Variants in FUT8 observed in about 807,000 individuals in gnomAD.
The protein encoded by FUT8 is fucosyltransferase 8, also known as alpha-(1,6)-fucosyltransferase.
In FUT8, 29 loss-of-function variants were observed where a neutral mutation model predicts 71.3. The observed-to-expected ratio is 0.41, with a 90% confidence interval of 0.30 to 0.55. The LOEUF (loss-of-function observed/expected upper bound fraction) is 0.55. Ranked by LOEUF, FUT8 falls within the 20% of genes least tolerant of loss-of-function variation. FUT8 has a pLI of 0.34. For missense variants in FUT8, 544 were observed against 702.1 expected, an observed-to-expected ratio of 0.77 and a Z score of 2.55; for synonymous variants, 254 against 239.3, an observed-to-expected ratio of 1.06 and a Z score of -0.57.
At chr14:65,718,798 G>C (rs992519927) in intron 7 of FUT8, among the ~76,000 whole-genome samples, 1 of 151,952 alleles carries the variant, frequency 6.6e-6, no homozygotes, top group African/African-American at 2.4e-5. Flanking sequence ...CTCTCTTTTG[G>C]CCTGTAATGT....
intron 7 of FUT8, among the ~76,000 whole-genome samples, chr14:65,691,032 G>A (rs1326213724): frequency 6.6e-6 from 1 of 150,646 alleles, no homozygotes; most frequent in Non-Finnish European, 1.5e-5. Context: ...AGCCACATTT[G>A]ACTTTTGTAT....
chr14:65,442,757 GC>G lies in FUT8; in HGVS notation c.-325-12861del, dbSNP rs536929938. Among the ~76,000 whole-genome samples the G allele has an allele frequency of 5.4e-3, 815 of 150,796 alleles. 7 individuals are homozygous for G. The highest frequency in any genetic ancestry group is 9.4e-3 in the Non-Finnish European group (638 of 67,620). ...ACGCTGAGATGAGAGGATTGCTTGA[GC>G]CCAGGAGGCAGAGTTTGCAGTGAGC... On this transcript the variant is annotated intron_variant, in intron 1 of 10. Coordinates refer to ENST00000673929, the MANE Select transcript of FUT8 (RefSeq NM_001371533.1).
intron 3 of FUT8, among the ~76,000 whole-genome samples, chr14:65,602,671 C>T (rs889919722): frequency 2.0e-5 from 3 of 151,748 alleles, no homozygotes; most frequent in South Asian, 2.1e-4. Flanking sequence ...ACCACATCCA[C>T]GCCAACATCT....
chr14:65,417,786 A>G lies in FUT8; in HGVS notation c.-326+4572A>G, dbSNP rs140194531. ...CCTTTGCTATTCTGCCTTTTCTTCT[A>G]TAGTGATTGTATAGTTATACTATAA... On this transcript the variant is annotated intron_variant, in intron 1 of 10. Coordinates refer to ENST00000673929, the MANE Select transcript of FUT8 (RefSeq NM_001371533.1). 2.5e-3 allele frequency among the ~76,000 whole-genome samples: 385 copies of G among 152,312 alleles called. 2 individuals are homozygous for G. Among genetic ancestry groups the G allele is most frequent in the African/African-American group, 9.0e-3 (373 of 41,582 alleles).
chr14:65,723,156 A>AC (rs2139357197), intron 8 of FUT8, among the ~76,000 whole-genome samples: 1 of 151,172 alleles, frequency 6.6e-6, no homozygotes, highest in African/African-American at 2.4e-5. Flanking sequence ...ATCAATTAAA[A>AC]AAAAAAAAAA....
chr14:65,357,981 A>C, the FUT8 span, among the ~76,000 whole-genome samples: 3 of 152,222 alleles, frequency 2.0e-5, no homozygotes, highest in Non-Finnish European at 4.4e-5. Context: ...TGTGAAATCC[A>C]AAAGAGTTGA....
At chr14:65,621,095 G>A (rs1889583377) in intron 5 of FUT8, among the ~76,000 whole-genome samples, 1 of 152,108 alleles carries the variant, frequency 6.6e-6, no homozygotes, top group Non-Finnish European at 1.5e-5. Context: ...CATCTTTTGG[G>A]TGTGATTTCC....
chr14:65,584,426 C>T (rs939896135), intron 3 of FUT8, among the ~76,000 whole-genome samples: 3 of 152,120 alleles, frequency 2.0e-5, no homozygotes, highest in East Asian at 1.9e-4. Flanking sequence ...GTCATCTGCC[C>T]GCCTCGGCCT....
the FUT8 span, among the ~76,000 whole-genome samples, chr14:65,377,250 A>G: frequency 2.6e-5 from 4 of 152,174 alleles, no homozygotes; most frequent in Admixed American, 6.5e-5. Flanking sequence ...TATTTTACAA[A>G]GGGTGCAGCT....
chr14:65,619,498 C>T (rs187909060), intron 5 of FUT8, among the ~76,000 whole-genome samples: 10 of 152,310 alleles, frequency 6.6e-5, no homozygotes, highest in Admixed American at 3.3e-4. Flanking sequence ...ATTCAACTCA[C>T]CTGAGATTTT....
At chr14:65,518,403 G>A (rs2139849565) in intron 2 of FUT8, among the ~76,000 whole-genome samples, 1 of 152,198 alleles carries the variant, frequency 6.6e-6, no homozygotes, top group East Asian at 1.9e-4. Flanking sequence ...TTACTTTGTA[G>A]GGTGTCCTGG....
At chr14:65,622,812 A>G (rs1053726524) in intron 5 of FUT8, among the ~76,000 whole-genome samples, 8 of 151,956 alleles carry the variant, frequency 5.3e-5, no homozygotes, top group Admixed American at 1.3e-4. Context: ...TTTGACTTTG[A>G]GAGTAAATCT....
intron 9 of FUT8, 69 bp downstream of exon 9, chr14:65,724,392 C>A: frequency 2.1e-6 from 2 of 943,602 alleles, no homozygotes; most frequent in East Asian, 2.6e-5. Flanking sequence ...TCTTACTTCC[C>A]ATGACTTGTG....
In FUT8 at chr14:65,669,333, TG is replaced by T; in HGVS notation, c.689del (p.Cys230SerfsTer3). ...YGCQLHHVVY[C>X]FMIAYGTQRT... Reference sequence around the variant, plus strand: ...CTGTCAGCTCCATCATGTGGTCTACTGCTTCATGATTGCATATGGCACCCAG... The same window carrying T: ...CTGTCAGCTCCATCATGTGGTCTACTCTTCATGATTGCATATGGCACCCAG... On this transcript the variant is annotated frameshift_variant, in exon 7 of 11. Coordinates refer to ENST00000673929, the MANE Select transcript of FUT8 (RefSeq NM_001371533.1). LOFTEE classifies it high-confidence loss of function. The surrounding 1 kb of genome is among the most constrained non-coding windows in gnomAD (Gnocchi z 4.5). The T allele has an allele frequency of 6.2e-7, 1 of 1,613,942 alleles. No individual in the cohort carries two copies. Among genetic ancestry groups the T allele is most frequent in the Non-Finnish European group, 8.5e-7 (1 of 1,179,884 alleles).
Position 65,413,918 on chromosome 14 carries a change from T to C in FUT8, c.-326+704T>C, listed in dbSNP as rs1455588448. Among the ~76,000 whole-genome samples the C allele has an allele frequency of 6.6e-6, 1 of 152,302 alleles. No individual in the cohort carries two copies. Among genetic ancestry groups the C allele is most frequent in the East Asian group, 1.9e-4 (1 of 5,190 alleles). On this transcript the variant is annotated intron_variant, in intron 1 of 10. Coordinates refer to ENST00000673929, the MANE Select transcript of FUT8 (RefSeq NM_001371533.1). This position sits in a 1 kb window ranked among gnomAD's most constrained non-coding sequence, Gnocchi z 4.1. ...CCTGTTCTTTCTTCACAGTGGGGAT[T>C]GCAATCTTCAGAGACGCAGTGTATT... is the stretch of plus-strand genomic sequence containing the variant.
At position 65,467,720 on chromosome 14, in the gene FUT8, C is replaced by G; in HGVS notation, c.-228+12002C>G. 1 of 445,816 alleles carries G rather than the reference C, an allele frequency of 2.2e-6. No individual in the cohort carries two copies. The highest frequency in any genetic ancestry group is 2.3e-5 in the South Asian group (1 of 43,400). The allele number at this position is 445,816 out of a possible 1,614,324, so 27.6% of individuals were successfully genotyped here. A position where few individuals can be genotyped will look rare whatever the true frequency, so the allele number is the denominator to read the frequency against. ...CGAACTCCTGACCTCATGGTCTGCC[C>G]GCCTCAGCCTCCCAAAGTGCTGGGA... On this transcript the variant is annotated intron_variant, in intron 2 of 10. Transcript: ENST00000673929. This position sits in a 1 kb window ranked among gnomAD's most constrained non-coding sequence, Gnocchi z 4.1.
chr14:65,453,617 GGCCTA>G (rs2065857923), intron 1 of FUT8, among the ~76,000 whole-genome samples: 1 of 152,124 alleles, frequency 6.6e-6, no homozygotes, highest in Non-Finnish European at 1.5e-5. Context: ...CTGTACCTAT[GGCCTA>G]GAGTGTAAAG....
intron 8 of FUT8, among the ~76,000 whole-genome samples, chr14:65,723,082 C>T (rs961061071): frequency 3.3e-5 from 5 of 149,832 alleles, no homozygotes; most frequent in Non-Finnish European, 5.9e-5. Context: ...GAGGCTGAGG[C>T]AAGTGGATCA....
chr14:65,594,631 A>G (rs553736156), intron 3 of FUT8, among the ~76,000 whole-genome samples: 4 of 152,296 alleles, frequency 2.6e-5, no homozygotes, highest in African/African-American at 4.8e-5. Context: ...GGTCATGCAG[A>G]TGAACTGAAG....
Sources: gnomAD v4.1 joint callset for allele counts (sites outside exome capture counted in the v4.1 genomes callset) on GRCh38, gnomAD v4.1.1 for gene constraint, Gnocchi (gnomAD v3.1) non-coding constraint, MANE v1.5 for transcripts, NCBI Gene and HGNC (gene_info 2026-07-23, HGNC 2026-07-21) for gene names.